Variants in DAO observed in about 807,000 individuals in gnomAD.
The protein encoded by DAO is D-amino-acid oxidase.
In DAO, 51 loss-of-function variants were observed where a neutral mutation model predicts 50.1. That is an observed-to-expected ratio of 1.02 (90% CI 0.81 to 1.29). The LOEUF (loss-of-function observed/expected upper bound fraction) is 1.29. Ranked by LOEUF, DAO falls within the 50% of genes most tolerant of loss-of-function variation. DAO has a pLI of 0.00. For synonymous variants in DAO, 160 were observed against 166.2 expected, an observed-to-expected ratio of 0.96 and a Z score of 0.29; for missense variants, 436 against 439.4, an observed-to-expected ratio of 0.99 and a Z score of 0.07.
At chr12:108,893,946 A>G (rs1458582312) in intron 6 of DAO, among the ~76,000 whole-genome samples, 1 of 152,168 alleles carries the variant, frequency 6.6e-6, no homozygotes, top group Non-Finnish European at 1.5e-5. Context: ...CCCCCATCCA[A>G]AGAACTGTTT....
At chr12:108,895,304 T>TGG (rs2039536917) in intron 7 of DAO, among the ~76,000 whole-genome samples, 1 of 139,846 alleles carries the variant, frequency 7.2e-6, no homozygotes, top group African/African-American at 3.0e-5. Context: ...TGTGCATATG[T>TGG]GTGTGTGCAT....
intron 5 of DAO, among the ~76,000 whole-genome samples, chr12:108,892,409 G>A (rs1031199336): frequency 3.3e-5 from 5 of 151,132 alleles, no homozygotes; most frequent in Non-Finnish European, 5.9e-5. Flanking sequence ...CTCGTGATCC[G>A]CCCACCTCGG....
intron 3 of DAO, among the ~76,000 whole-genome samples, chr12:108,889,133 T>C (rs1469916811): frequency 6.6e-6 from 1 of 151,126 alleles, no homozygotes; most frequent in Admixed American, 6.6e-5. Context: ...TGAGATGAAG[T>C]CTCGCTCTGT....
intron 5 of DAO, among the ~76,000 whole-genome samples, chr12:108,892,303 C>T (rs562725381): frequency 6.6e-6 from 1 of 151,560 alleles, no homozygotes; most frequent in Non-Finnish European, 1.5e-5. Context: ...GCTTGGAATA[C>T]AGGCGCCTGC....
In DAO at chr12:108,897,066, A is replaced by G. The variant is rs200391092; in HGVS notation, c.673A>G (p.Asn225Asp). ...CCATGACCCAGAGAGAGGCATCTAC[A>G]ATTCCCCGTACATCATCCCAGGGTA... is the stretch of plus-strand genomic sequence containing the variant. ...LTHDPERGIY[N>D]SPYIIPGTQT... The change falls in exon 8 of 11, where the codon AAT (asparagine) becomes GAT (aspartate). Residue 225 changes from asparagine to aspartate, a missense_variant. Physicochemically the swap from Asn to Asp is conservative, Grantham distance 23. Transcript: ENST00000228476. 3.1e-6 allele frequency: 5 copies of G among 1,613,740 alleles called. No individual in the cohort carries two copies. Among genetic ancestry groups the G allele is most frequent in the Non-Finnish European group, 4.2e-6 (5 of 1,179,746 alleles).
At chr12:108,881,198 A>ACACACACACACACAC (rs1555244705) in intron 1 of DAO, among the ~76,000 whole-genome samples, 4 of 145,102 alleles carry the variant, frequency 2.8e-5, no homozygotes, top group South Asian at 2.2e-4. Flanking sequence ...ACACACACAC[A>ACACACACACACACAC]AATATAATAA....
At chr12:108,897,209 T>C (rs1015266330) in intron 8 of DAO, 121 bp downstream of exon 8, 6 of 721,448 alleles carry the variant, frequency 8.3e-6, no homozygotes, top group African/African-American at 3.5e-5. Flanking sequence ...TTTATGTACT[T>C]AGCTATTTTT....
At chr12:108,895,664 G>T (rs1045547847) in intron 7 of DAO, among the ~76,000 whole-genome samples, 1 of 150,094 alleles carries the variant, frequency 6.7e-6, no homozygotes. Flanking sequence ...GTGTGTGAGG[G>T]TGTGTGCATG....
At chr12:108,897,228 T>C in intron 8 of DAO, 140 bp downstream of exon 8, 2 of 685,890 alleles carry the variant, frequency 2.9e-6, no homozygotes, top group East Asian at 2.7e-5. Flanking sequence ...TTTATTATTA[T>C]TTTTTGAGAC....
intron 1 of DAO, among the ~76,000 whole-genome samples, 152 bp from the exon 2 acceptor site, chr12:108,884,846 T>A (rs1275617884): frequency 6.6e-6 from 1 of 152,150 alleles, no homozygotes; most frequent in Non-Finnish European, 1.5e-5. Flanking sequence ...ACAATGATAT[T>A]CCTTCCTCCT....
intron 1 of DAO, among the ~76,000 whole-genome samples, chr12:108,881,565 A>G (rs200067195): frequency 6.6e-6 from 1 of 150,906 alleles, no homozygotes; most frequent in East Asian, 1.9e-4. Flanking sequence ...TTAAAAAAAG[A>G]TAATTGACTT....
intron 7 of DAO, among the ~76,000 whole-genome samples, chr12:108,895,870 A>G (rs971288659): frequency 6.6e-6 from 1 of 151,830 alleles, no homozygotes; most frequent in Non-Finnish European, 1.5e-5. Context: ...ATGTGGGCTG[A>G]TGGGTGTAAC....
chr12:108,891,361 G>A (rs61436841), intron 5 of DAO, among the ~76,000 whole-genome samples: 2 of 151,036 alleles, frequency 1.3e-5, no homozygotes, highest in South Asian at 4.2e-4. Context: ...GAGGTGGGAG[G>A]ATGGCTTTAT....
intron 10 of DAO, 30 bp downstream of exon 10, chr12:108,899,505 C>T: frequency 6.4e-7 from 1 of 1,563,276 alleles, no homozygotes; most frequent in Non-Finnish European, 8.8e-7. Flanking sequence ...AAAGTAATGC[C>T]CTCTTCCACT....
intron 10 of DAO, chr12:108,899,697 G>A: frequency 1.7e-6 from 1 of 592,242 alleles, no homozygotes; most frequent in Non-Finnish European, 3.1e-6. Context: ...TGATGTTAAT[G>A]GAGGTGGTGC....
chr12:108,899,546 A>C, intron 10 of DAO, 71 bp downstream of exon 10: 1 of 1,296,822 alleles, frequency 7.7e-7, no homozygotes, highest in South Asian at 1.2e-5. Flanking sequence ...TTCAGGGAAC[A>C]GTCATGTCTG....
chr12:108,883,698 T>A, intron 1 of DAO: 2 of 454,246 alleles, frequency 4.4e-6, no homozygotes, highest in South Asian at 1.6e-5. Context: ...AGACCAAGGG[T>A]CCCTGAGAGG....
chr12:108,899,379 T>A lies in DAO; in HGVS notation c.816T>A (p.Asn272Lys). ...GTGATCAGCACTTTTCTTTCCAGAA[T>A]GCAAGAATTATTGGTGAACGAACTG... ...GCCRLEPTLK[N>K]ARIIGERTGF... The change falls in exon 10 of 11, where the codon AAT (asparagine) becomes AAA (lysine). Residue 272 changes from asparagine to lysine, a missense_variant and splice_region_variant. Transcript: ENST00000228476. 3 of 1,612,786 alleles carry A rather than the reference T, an allele frequency of 1.9e-6. No individual in the cohort carries two copies. Among genetic ancestry groups the A allele is most frequent in the Non-Finnish European group, 2.5e-6 (3 of 1,179,360 alleles).
chr12:108,891,542 C>A (rs893130638), intron 5 of DAO, among the ~76,000 whole-genome samples: 15 of 151,696 alleles, frequency 9.9e-5, no homozygotes, highest in African/African-American at 2.9e-4. Flanking sequence ...GATTTTAGGA[C>A]CCCACTCTAT....
Sources: allele counts gnomAD v4.1 joint callset (sites outside exome capture counted in the v4.1 genomes callset), GRCh38; gene constraint gnomAD v4.1.1; transcripts MANE v1.5; gene names NCBI Gene and HGNC (gene_info 2026-07-23, HGNC 2026-07-21).